RASA1: variants seen among roughly 807,000 people sequenced by gnomAD.
RASA1 encodes ras GTPase-activating protein 1.
A neutral mutation model predicts 132.2 loss-of-function variants in RASA1; 25 were observed. That is an observed-to-expected ratio of 0.19 (90% CI 0.14 to 0.26). The LOEUF (loss-of-function observed/expected upper bound fraction) is 0.26, where lower values mean the gene tolerates loss of function less well. Ranked by LOEUF, RASA1 falls within the 10% of genes least tolerant of loss-of-function variation. The pLI is 1.00. For synonymous variants in RASA1, 477 were observed against 449.9 expected, an observed-to-expected ratio of 1.06 and a Z score of -0.76; for missense variants, 964 against 1,299.2, an observed-to-expected ratio of 0.74 and a Z score of 3.97.
chr5:87,371,277 T>C (rs1760920968), intron 12 of RASA1, among the ~76,000 whole-genome samples: 1 of 152,000 alleles, frequency 6.6e-6, no homozygotes, highest in Non-Finnish European at 1.5e-5. Context: ...GGTTATTCTC[T>C]TCTATTTCAA....
In RASA1 at chr5:87,268,544, C is replaced by G. The variant is rs1185847883; in HGVS notation, c.93C>G (p.Pro31=). The part of the protein sequence containing the change: ...GGAAAGSSAY[P]AVCRVKIPAA... ...CGGCAGCGGGCTCCAGTGCCTATCC[C>G]GCAGTGTGTCGGGTGAAGATACCCG... Residue 31 remains proline (P), a synonymous_variant, in exon 1 of 25, where the codon CCC becomes CCG. Transcript: ENST00000274376. 1 of 1,600,510 alleles carries G rather than the reference C, an allele frequency of 6.2e-7. No homozygotes were observed. The highest frequency in any genetic ancestry group is 2.3e-5 in the East Asian group (1 of 44,360).
intron 22 of RASA1, 117 bp downstream of exon 22, chr5:87,385,506 A>G: frequency 5.1e-6 from 4 of 782,282 alleles, no homozygotes; most frequent in South Asian, 4.7e-5. Flanking sequence ...ATGAAAGATT[A>G]TTTTTGTTGG....
intron 1 of RASA1, among the ~76,000 whole-genome samples, chr5:87,315,784 A>AT (rs1756284437): frequency 6.6e-6 from 1 of 152,238 alleles, no homozygotes; most frequent in African/African-American, 2.4e-5. Flanking sequence ...AATCAAGCAG[A>AT]TTAAATACTT....
intron 1 of RASA1, among the ~76,000 whole-genome samples, chr5:87,293,350 G>T (rs991239971): frequency 1.3e-5 from 2 of 151,764 alleles, no homozygotes; most frequent in African/African-American, 4.8e-5. Context: ...TGGATTTTCT[G>T]CATCTATTAA....
At position 87,349,340 on chromosome 5, in the gene RASA1, T is replaced by G. The variant is rs1759093314; in HGVS notation, c.1229T>G (p.Met410Arg). The change falls in exon 8 of 25, where the codon ATG becomes AGG. Residue 410 changes from methionine (M) to arginine (R), a missense_variant. Transcript: ENST00000274376. The part of the protein sequence containing the change: ...KICPTPNNQF[M>R]MGGRYYNSIG... ...TGTCCAACGCCAAACAATCAGTTTATGATGGGAGGCCGGTATTATAACAGG... is the reference window on the plus strand; with the variant it reads ...TGTCCAACGCCAAACAATCAGTTTAGGATGGGAGGCCGGTATTATAACAGG... The G allele has an allele frequency of 6.2e-7, 1 of 1,611,832 alleles. No homozygotes were observed. Among genetic ancestry groups the G allele is most frequent in the Admixed American group, 1.7e-5 (1 of 59,778 alleles).
chr5:87,301,222 T>C (rs959882821), intron 1 of RASA1, among the ~76,000 whole-genome samples: 5 of 152,206 alleles, frequency 3.3e-5, no homozygotes, highest in Admixed American at 6.5e-5. Context: ...TGTATATGTA[T>C]AATTACATAT....
chr5:87,374,146 TA>T lies in RASA1; in HGVS notation c.1777-16del, dbSNP rs747412034. 4,399 of 1,137,240 alleles carry T rather than the reference TA, an allele frequency of 3.9e-3. 2 individuals are homozygous for T. Among genetic ancestry groups the T allele is most frequent in the Middle Eastern group, 0.012 (35 of 2,988 alleles). 70.4% of individuals were successfully genotyped at this position (1,137,240 alleles called of 1,614,324 possible). On this transcript the variant is annotated splice_polypyrimidine_tract_variant and intron_variant, in intron 13 of 24. Transcript: ENST00000274376. ...AAATCTGGGGTAATATATATATATA[TA>T]TTTTTTTTTTTTTAGGTCAGCAGCC...
At chr5:87,374,483 T>G (rs1761182509) in intron 14 of RASA1, among the ~76,000 whole-genome samples, 163 bp downstream of exon 14, 1 of 149,658 alleles carries the variant, frequency 6.7e-6, no homozygotes, top group African/African-American at 2.4e-5. Flanking sequence ...TTTCTGTTGT[T>G]TGTTCACCTT....
intron 1 of RASA1, among the ~76,000 whole-genome samples, chr5:87,316,321 A>G (rs1756333785): frequency 6.6e-6 from 1 of 152,206 alleles, no homozygotes; most frequent in South Asian, 2.1e-4. Context: ...TTCAGAATGC[A>G]TTTTAAAAAA....
intron 11 of RASA1, chr5:87,366,521 T>G (rs1229761566): frequency 4.9e-6 from 1 of 203,928 alleles, no homozygotes; most frequent in Non-Finnish European, 1.1e-5. Flanking sequence ...GGAGTTTCTG[T>G]CTGGTAGGGG....
At chr5:87,372,235 T>C in intron 13 of RASA1, 40 bp downstream of exon 13, 1 of 1,560,746 alleles carries the variant, frequency 6.4e-7, no homozygotes, top group Non-Finnish European at 8.8e-7. Context: ...TGTCACATTT[T>C]GCTCTAACAC....
rs1396751378 is a variant in RASA1, at chr5:87,338,084, A to T, written c.1010A>T (p.Glu337Val). The change falls in exon 5 of 25, where the codon GAA becomes GTA. Residue 337 changes from glutamate (E) to valine (V), a missense_variant. By Grantham distance (121) the Glu-to-Val change is moderately radical. This residue lies in a region of RASA1 where 154 missense variants were observed against 286.5 expected (regional missense o/e 0.54). Transcript: ENST00000274376. ...EQGLIVEDLV[E>V]EVGREEDPHE... ...GGCCTTATTGTTGAAGACCTAGTAG[A>T]AGAGGTGGTAAGTTTTGTTCTTTTC... 2 of 1,612,096 alleles carry T rather than the reference A, an allele frequency of 1.2e-6. No homozygotes were observed. Among genetic ancestry groups the T allele is most frequent in the Non-Finnish European group, 1.7e-6 (2 of 1,178,996 alleles).
chr5:87,377,240 T>C (rs1441141788), intron 17 of RASA1, 200 bp downstream of exon 17: 2 of 674,214 alleles, frequency 3.0e-6, no homozygotes, highest in African/African-American at 1.8e-5. Flanking sequence ...ATTTCTAATG[T>C]AGGTTTTGGC....
At position 87,377,211 on chromosome 5, in the gene RASA1, G is replaced by A. The variant is rs555107462; in HGVS notation, c.2344+171G>A. On this transcript the variant is annotated intron_variant, in intron 17 of 24. Coordinates refer to ENST00000274376, the MANE Select transcript of RASA1 (RefSeq NM_002890.3). ...TTGGATGTCAGTTCTGATTATGTTG[G>A]TTACTATGGGAAGCTGATATTTCTA... The A allele has an allele frequency of 7.4e-6, 6 of 808,360 alleles. No homozygotes were observed. In the Admixed American group the frequency reaches 1.1e-4, roughly 15 times the overall value. The allele number at this position is 808,360 out of a possible 1,614,324, so 50.1% of individuals were successfully genotyped here.
chr5:87,309,304 A>G (rs1755760978), intron 1 of RASA1, among the ~76,000 whole-genome samples: 2 of 152,158 alleles, frequency 1.3e-5, no homozygotes, highest in African/African-American at 2.4e-5. Flanking sequence ...ATAGAATTCT[A>G]GAAGGTAGTA....
In RASA1 at chr5:87,375,839, T is replaced by A. The variant is rs191089439; in HGVS notation, c.2012-554T>A. ...AGCCTGAATATTTCTCTATAAAATG[T>A]TTATTCTGTAGTTTTTTGTAGTAAT... On this transcript the variant is annotated intron_variant, in intron 15 of 24. Transcript: ENST00000274376. 1.2e-3 allele frequency among the ~76,000 whole-genome samples: 176 copies of A among 152,348 alleles called. 4 individuals are homozygous for A. The highest frequency in any genetic ancestry group is 1.2e-4 in the Non-Finnish European group (8 of 68,034).
chr5:87,280,640 A>G (rs894089007), intron 1 of RASA1, among the ~76,000 whole-genome samples: 10 of 152,060 alleles, frequency 6.6e-5, no homozygotes, highest in Non-Finnish European at 1.3e-4. Context: ...TGCTTTTTCC[A>G]TCTGTATACC....
chr5:87,270,634 A>C, intron 1 of RASA1, among the ~76,000 whole-genome samples: 1 of 127,468 alleles, frequency 7.8e-6, no homozygotes, highest in Admixed American at 8.5e-5. Flanking sequence ...GCCGTAAGCC[A>C]CGGTGCCCGG....
At chr5:87,315,913 T>C (rs1289549462) in intron 1 of RASA1, among the ~76,000 whole-genome samples, 4 of 152,212 alleles carry the variant, frequency 2.6e-5, no homozygotes, top group Non-Finnish European at 5.9e-5. Context: ...TTTCTAATTA[T>C]TGAAAGTCAT....
Sources: gnomAD v4.1 joint callset for allele counts (sites outside exome capture counted in the v4.1 genomes callset) on GRCh38, gnomAD v4.1.1 for gene constraint, gnomAD v4.1.1 regional missense constraint, MANE v1.5 for transcripts, NCBI Gene and HGNC (gene_info 2026-07-23, HGNC 2026-07-21) for gene names.